Variants in CNTNAP4 observed in about 807,000 individuals in gnomAD.
CNTNAP4 encodes contactin-associated protein-like 4.
In CNTNAP4, 98 loss-of-function variants were observed where a neutral mutation model predicts 148.4. The observed-to-expected ratio is 0.66, with a 90% CI of 0.56 to 0.78. The LOEUF (loss-of-function observed/expected upper bound fraction) is 0.78. Ranked by LOEUF, CNTNAP4 falls within the 30% of genes least tolerant of loss-of-function variation. The pLI is 0.00. For synonymous variants in CNTNAP4, 730 were observed against 565.1 expected (o/e 1.29, Z -4.14); for missense variants, 1,935 against 1,565.6 (o/e 1.24, Z -3.98).
At chr16:76,475,912 G>A (rs1364696154) in intron 10 of CNTNAP4, 27 bp from the exon 11 acceptor site, 1 of 1,525,406 alleles carries the variant, frequency 6.6e-7, no homozygotes, top group Non-Finnish European at 9.1e-7. Context: ...AATGGAAACT[G>A]GTGATTGTAT....
At chr16:76,487,194 G>A (rs930352320) in intron 12 of CNTNAP4, among the ~76,000 whole-genome samples, 2 of 152,164 alleles carry the variant, frequency 1.3e-5, no homozygotes, top group South Asian at 2.1e-4. Context: ...CAGAGCCACC[G>A]CAGCATCTGA....
intron 1 of CNTNAP4, among the ~76,000 whole-genome samples, chr16:76,293,469 T>G (rs1410110999): frequency 1.3e-5 from 2 of 152,202 alleles, no homozygotes; most frequent in Non-Finnish European, 2.9e-5. Context: ...TATGAGCTGT[T>G]TTCTAGTTTT....
At chr16:76,556,885 T>A (rs1247400813) in intron 23 of CNTNAP4, among the ~76,000 whole-genome samples, 1 of 152,220 alleles carries the variant, frequency 6.6e-6, no homozygotes, top group Non-Finnish European at 1.5e-5. Flanking sequence ...GCTTGGCTAT[T>A]GGACGTGCTC....
intron 1 of CNTNAP4, among the ~76,000 whole-genome samples, chr16:76,292,289 G>T (rs535145734): frequency 6.6e-6 from 1 of 152,100 alleles, no homozygotes; most frequent in African/African-American, 2.4e-5. Flanking sequence ...AGAATTTATG[G>T]CACTTAAAGA....
intron 1 of CNTNAP4, among the ~76,000 whole-genome samples, chr16:76,293,835 T>TTA (rs758086212): frequency 2.7e-5 from 4 of 146,030 alleles, no homozygotes; most frequent in East Asian, 2.0e-4. Flanking sequence ...TTTTTTTTTT[T>TTA]AAAAAAAAGG....
rs145505823 is a variant in CNTNAP4 at position 76,439,251 on chromosome 16, A to G, written c.539-8761A>G. Reference sequence around the variant, plus strand: ...ATGATGTAAATTGTATCATAAATACATAAAAATCACAAATGTATTACATTC... The same window carrying G: ...ATGATGTAAATTGTATCATAAATACGTAAAAATCACAAATGTATTACATTC... On this transcript the variant is annotated intron_variant, in intron 4 of 23. Coordinates refer to ENST00000611870, the MANE Select transcript of CNTNAP4 (RefSeq NM_033401.5). Among the ~76,000 whole-genome samples, 986 of 152,326 alleles carry G rather than the reference A, an allele frequency of 6.5e-3. 4 individuals are homozygous for G. Among genetic ancestry groups the G allele is most frequent in the Middle Eastern group, 0.01 (3 of 294 alleles).
At chr16:76,475,050 C>G (rs11645059) in intron 10 of CNTNAP4, among the ~76,000 whole-genome samples, 78,358 of 151,814 alleles carry the variant, frequency 0.52, 20,822 homozygotes, top group South Asian at 0.75. Flanking sequence ...ATCCCAGCTA[C>G]TCCAGAGGCT....
chr16:76,382,746 G>T (rs1021517042), intron 3 of CNTNAP4, among the ~76,000 whole-genome samples: 6 of 152,044 alleles, frequency 3.9e-5, no homozygotes, highest in African/African-American at 1.4e-4. Context: ...CTAGACTGAG[G>T]GCACTAAATA....
chr16:76,470,898 C>G (rs1409312574), intron 10 of CNTNAP4, among the ~76,000 whole-genome samples: 2 of 152,066 alleles, frequency 1.3e-5, no homozygotes, highest in South Asian at 4.1e-4. Context: ...CATGTGGACA[C>G]ATTCATATGC....
At chr16:76,544,805 C>T (rs541312277) in intron 21 of CNTNAP4, among the ~76,000 whole-genome samples, 1 of 152,086 alleles carries the variant, frequency 6.6e-6, no homozygotes, top group African/African-American at 2.4e-5. Flanking sequence ...CCATAATAAT[C>T]ATTTCTCTTT....
At chr16:76,553,543 T>C (rs1327184729) in intron 22 of CNTNAP4, 42 bp downstream of exon 22, 1 of 1,410,960 alleles carries the variant, frequency 7.1e-7, no homozygotes, top group East Asian at 2.4e-5. Context: ...AGACGTAGCT[T>C]GTCCATGGAA....
At chr16:76,366,174 C>T (rs115363592) in intron 3 of CNTNAP4, among the ~76,000 whole-genome samples, 2,877 of 152,102 alleles carry the variant, frequency 0.019, 81 homozygotes, top group African/African-American at 0.066. Flanking sequence ...TTCAGGGATA[C>T]ATGTGCAGGT....
chr16:76,325,010 CA>C (rs1266331205), intron 2 of CNTNAP4, among the ~76,000 whole-genome samples: 2 of 152,266 alleles, frequency 1.3e-5, no homozygotes, highest in East Asian at 3.9e-4. Flanking sequence ...AACTACTTGA[CA>C]TACCTGAGAG....
chr16:76,500,045 C>A (rs1191130074), intron 15 of CNTNAP4, among the ~76,000 whole-genome samples: 1 of 152,194 alleles, frequency 6.6e-6, no homozygotes. Flanking sequence ...CCATCGTCAT[C>A]ATGGCCCGTT....
At chr16:76,355,632 T>C (rs2144500958) in intron 3 of CNTNAP4, 121 bp downstream of exon 3, 1 of 647,802 alleles carries the variant, frequency 1.5e-6, no homozygotes. Context: ...ATTGAAAACA[T>C]TTTCCAAGAG....
chr16:76,499,260 T>G (rs1348542864), intron 15 of CNTNAP4, among the ~76,000 whole-genome samples: 1 of 152,078 alleles, frequency 6.6e-6, no homozygotes, highest in Non-Finnish European at 1.5e-5. Context: ...CTTGGAATAA[T>G]CTTCAGAGTA....
chr16:76,283,785 C>T (rs1193822724), intron 1 of CNTNAP4, among the ~76,000 whole-genome samples: 1 of 151,964 alleles, frequency 6.6e-6, no homozygotes, highest in East Asian at 1.9e-4. Context: ...TGTAACAAAC[C>T]TGCACTTGTA....
At chr16:76,426,774 G>A (rs2079420223) in intron 3 of CNTNAP4, among the ~76,000 whole-genome samples, 1 of 151,998 alleles carries the variant, frequency 6.6e-6, no homozygotes, top group Non-Finnish European at 1.5e-5. Flanking sequence ...ATTTGACTGT[G>A]CTAGCTTAGC....
chr16:76,350,744 TA>T (rs1172649778), intron 2 of CNTNAP4, among the ~76,000 whole-genome samples: 1 of 152,244 alleles, frequency 6.6e-6, no homozygotes, highest in African/African-American at 2.4e-5. Context: ...AATATGCTTT[TA>T]AAATTTAATT....
Sources: gnomAD v4.1 joint callset for allele counts (sites outside exome capture counted in the v4.1 genomes callset) on GRCh38, gnomAD v4.1.1 for gene constraint, MANE v1.5 for transcripts, NCBI Gene and HGNC (gene_info 2026-07-23, HGNC 2026-07-21) for gene names.